TMEM132D: variants seen among roughly 807,000 people sequenced by gnomAD.
TMEM132D encodes the protein transmembrane protein 132D, also known as mature OL transmembrane protein.
Under a neutral mutation model 62.3 loss-of-function variants are expected in TMEM132D, and 21 were observed. The observed-to-expected ratio is 0.34, with a 90% CI of 0.24 to 0.49. TMEM132D has a LOEUF of 0.49. Ranked by LOEUF, TMEM132D falls within the 20% of genes least tolerant of loss-of-function variation. The pLI is 0.99. For synonymous variants in TMEM132D, 621 were observed against 575.6 expected (o/e 1.08, Z -1.13); for missense variants, 1,346 against 1,402.8 (o/e 0.96, Z 0.65).
In TMEM132D at chr12:129,694,868, C is replaced by G. The variant is rs78325571; in HGVS notation, c.968+4942G>C. Among the ~76,000 whole-genome samples, 53 of 152,234 alleles carry G rather than the reference C, an allele frequency of 3.5e-4. 2 individuals are homozygous for G. The East Asian group carries it at 9.1e-3, about 26-fold the overall frequency. ...CTAAAAATACAAAAAATTAGCCAGG[C>G]ATGGCGATGTGAGCCTTTAATCCCA... On this transcript the variant is annotated intron_variant, in intron 2 of 8. Coordinates refer to ENST00000422113, the MANE Select transcript of TMEM132D (RefSeq NM_133448.3).
intron 5 of TMEM132D, among the ~76,000 whole-genome samples, chr12:129,096,562 G>A (rs1410341183): frequency 6.6e-6 from 1 of 152,182 alleles, no homozygotes; most frequent in Non-Finnish European, 1.5e-5. Flanking sequence ...ATCTGAAAAA[G>A]AGCGGGACTC....
intron 3 of TMEM132D, among the ~76,000 whole-genome samples, chr12:129,358,254 A>G (rs1870137055): frequency 6.6e-6 from 1 of 151,500 alleles, no homozygotes; most frequent in African/African-American, 2.4e-5. Flanking sequence ...GTTTTCCTTT[A>G]TTTTCCTCGT....
chr12:129,452,426 T>G (rs1350258881), intron 3 of TMEM132D, among the ~76,000 whole-genome samples: 2 of 152,202 alleles, frequency 1.3e-5, no homozygotes, highest in East Asian at 3.8e-4. Flanking sequence ...TGGCTCACAT[T>G]CCTTCCTCTT....
At chr12:129,853,713 G>A (rs925253751) in intron 1 of TMEM132D, 2 of 152,004 alleles carry the variant, frequency 1.3e-5, no homozygotes, top group Admixed American at 6.6e-5. Context: ...CTGTGTAGTC[G>A]GCAATTATCA....
chr12:129,236,170 G>C (rs1879778153), intron 4 of TMEM132D, among the ~76,000 whole-genome samples: 1 of 151,542 alleles, frequency 6.6e-6, no homozygotes, highest in South Asian at 2.1e-4. Context: ...GAGAGAGAGA[G>C]AGAGAGAGTC....
At position 129,613,702 on chromosome 12, in the gene TMEM132D, T is replaced by C. The variant is rs375536024; in HGVS notation, c.969-82497A>G. ...TGTCTCCAGCACCCAGAAGACTGGC[T>C]CGAGAACCCAGGCAACTGTCTCCAG... On this transcript the variant is annotated intron_variant, in intron 2 of 8. Transcript: ENST00000422113. Among the ~76,000 whole-genome samples the C allele has an allele frequency of 9.8e-5, 15 of 152,340 alleles. 1 individual carries two copies. In the East Asian group the frequency reaches 1.7e-3, roughly 18 times the overall value.
At position 129,748,874 on chromosome 12, in the gene TMEM132D, ACTC is replaced by A. The variant is rs1869906601; in HGVS notation, c.80-48179_80-48177del. ...GAGAAACAAGGCTCATGTTCACTGT[ACTC>A]CTCACCAAACCCCTTACTTTTTGTA... On this transcript the variant is annotated intron_variant, in intron 1 of 8. Coordinates refer to ENST00000422113, the MANE Select transcript of TMEM132D (RefSeq NM_133448.3). Among the ~76,000 whole-genome samples the A allele has an allele frequency of 2.6e-5, 4 of 152,288 alleles. No individual in the cohort carries two copies. The South Asian group carries it at 8.3e-4, about 32-fold the overall frequency.
chr12:129,708,026 G>A (rs1881546774), intron 1 of TMEM132D, among the ~76,000 whole-genome samples: 1 of 152,118 alleles, frequency 6.6e-6, no homozygotes, highest in African/African-American at 2.4e-5. Context: ...AGACCAGCTT[G>A]GCCAACATGG....
At chr12:129,811,570 G>T (rs74785501) in intron 1 of TMEM132D, among the ~76,000 whole-genome samples, 1 of 151,764 alleles carries the variant, frequency 6.6e-6, no homozygotes, top group African/African-American at 2.4e-5. Context: ...GGGCCTGTGC[G>T]TACAAAGATG....
intron 2 of TMEM132D, among the ~76,000 whole-genome samples, chr12:129,626,947 G>A (rs1879234867): frequency 6.6e-6 from 1 of 152,068 alleles, no homozygotes. Flanking sequence ...TTTTTAATGT[G>A]GATACTCTAC....
At chr12:129,300,108 C>T (rs1881674434) in intron 4 of TMEM132D, among the ~76,000 whole-genome samples, 1 of 152,146 alleles carries the variant, frequency 6.6e-6, no homozygotes, top group Admixed American at 6.5e-5. Flanking sequence ...GGTGGCTGTT[C>T]TAATGTGCCA....
Position 129,700,049 on chromosome 12 carries a change from G to T in TMEM132D, c.729C>A (p.Asp243Glu), listed in dbSNP as rs76591377. Residue 243 changes from aspartate to glutamate, a missense_variant, in exon 2 of 9, where the codon GAC becomes GAA. By Grantham distance (45) the Asp-to-Glu change is conservative. Coordinates refer to ENST00000422113, the MANE Select transcript of TMEM132D (RefSeq NM_133448.3). ...GGERGDCVRE[D>E]ARRSNGIRTG... ...TCCGGATCCCATTGCTTCTCCTCGC[G>T]TCTTCCCTGACGCAGTCCCCTCTCT... is the stretch of plus-strand genomic sequence containing the variant. 1 of 1,613,670 alleles carries T rather than the reference G, an allele frequency of 6.2e-7. No individual in the cohort carries two copies. The highest frequency in any genetic ancestry group is 1.3e-5 in the African/African-American group (1 of 74,922).
At chr12:129,166,554 T>C (rs1877556785) in intron 5 of TMEM132D, among the ~76,000 whole-genome samples, 1 of 151,866 alleles carries the variant, frequency 6.6e-6, no homozygotes, top group African/African-American at 2.4e-5. Flanking sequence ...TAGCCACTGC[T>C]ATGTGATTAC....
chr12:129,268,054 C>T (rs1027660370), intron 4 of TMEM132D, among the ~76,000 whole-genome samples: 1 of 152,074 alleles, frequency 6.6e-6, no homozygotes, highest in African/African-American at 2.4e-5. Flanking sequence ...TAAAGACTTA[C>T]ATGTTAGACC....
In TMEM132D at chr12:129,873,461, A is replaced by G. The variant is rs117533556; in HGVS notation, c.79+29800T>C. On this transcript the variant is annotated intron_variant, in intron 1 of 8. Coordinates refer to ENST00000422113, the MANE Select transcript of TMEM132D (RefSeq NM_133448.3). ...CGCCTACATTACTATAAAAACAAAC[A>G]ATAGGAATTTAAGCTGATTCGTCAA... is the stretch of plus-strand genomic sequence containing the variant. Among the ~76,000 whole-genome samples the G allele has an allele frequency of 4.0e-3, 615 of 152,312 alleles. 3 individuals are homozygous for G. The highest frequency in any genetic ancestry group is 0.01 in the Middle Eastern group (3 of 294).
chr12:129,495,110 C>A (rs1362758282), intron 3 of TMEM132D, among the ~76,000 whole-genome samples: 1 of 152,090 alleles, frequency 6.6e-6, no homozygotes, highest in Non-Finnish European at 1.5e-5. Flanking sequence ...TGGCTCTGGT[C>A]AAATTTTGAG....
chr12:129,588,131 C>T (rs1878082028), intron 2 of TMEM132D, among the ~76,000 whole-genome samples: 1 of 152,204 alleles, frequency 6.6e-6, no homozygotes, highest in South Asian at 2.1e-4. Flanking sequence ...TGTAAAAATG[C>T]TTGTGATTTC....
rs552772269 is a variant in TMEM132D, at chr12:129,371,944, G to C, written c.1116-34127C>G. On this transcript the variant is annotated intron_variant, in intron 3 of 8. Transcript: ENST00000422113. This position sits in a 1 kb window ranked among gnomAD's most constrained non-coding sequence, Gnocchi z 4.3. ...AGCATTCTTGTTGTTGTGATAGTTA[G>C]CATGTGGACCAGTGTGATGGTCATT... is the stretch of plus-strand genomic sequence containing the variant. Among the ~76,000 whole-genome samples, 2 of 152,296 alleles carry C rather than the reference G, an allele frequency of 1.3e-5. No individual in the cohort carries two copies. The highest frequency in any genetic ancestry group is 3.9e-4 in the East Asian group (2 of 5,176).
intron 5 of TMEM132D, among the ~76,000 whole-genome samples, chr12:129,207,445 A>G (rs1440596459): frequency 6.6e-6 from 1 of 152,254 alleles, no homozygotes; most frequent in Non-Finnish European, 1.5e-5. Context: ...ATAGAAGTTC[A>G]GCAGGGATGG....
Sources: gnomAD v4.1 joint callset for allele counts (sites outside exome capture counted in the v4.1 genomes callset) on GRCh38, gnomAD v4.1.1 for gene constraint, Gnocchi (gnomAD v3.1) non-coding constraint, MANE v1.5 for transcripts, NCBI Gene and HGNC (gene_info 2026-07-23, HGNC 2026-07-21) for gene names.